Variants in WDR86 observed in about 807,000 individuals in gnomAD.
WDR86 encodes WD repeat domain 86.
Under a neutral mutation model 36.5 loss-of-function variants are expected in WDR86, and 30 were observed. The observed-to-expected ratio is 0.82, with a 90% confidence interval of 0.61 to 1.11. The LOEUF is 1.11. WDR86 is among the 50% of genes most tolerant of loss of function. The pLI is 0.00. For synonymous variants in WDR86, 255 were observed against 252.9 expected (o/e 1.01, Z -0.08); for missense variants, 545 against 561.2 (o/e 0.97, Z 0.29).
chr7:151,408,782 C>G, intron 1 of WDR86: 1 of 418,304 alleles, frequency 2.4e-6, no homozygotes, highest in Admixed American at 2.5e-5. Context: ...TGAGTGAGTA[C>G]AGGGCACAAA....
chr7:151,385,209 G>A lies in WDR86; in HGVS notation c.741C>T (p.Leu247=), dbSNP rs752511253. 3.0e-5 allele frequency: 49 copies of A among 1,612,106 alleles called. No individual in the cohort carries two copies. Among genetic ancestry groups the A allele is most frequent in the Admixed American group, 6.7e-5 (4 of 60,012 alleles). ...TCCTGTCCGCGCTGCCAGAGTACACGAGTCGGTTCACCAGCTGCGAGGAGG... is the reference window on the plus strand; with the variant it reads ...TCCTGTCCGCGCTGCCAGAGTACACAAGTCGGTTCACCAGCTGCGAGGAGG... ...SVICLELVNR[L]VYSGSADRTV... The change falls in exon 4 of 6, where the codon CTC becomes CTT. Residue 247 remains leucine, a synonymous_variant. Transcript: ENST00000334493.
rs1354530616 is a variant in WDR86, at chr7:151,381,946, A to C, written c.898T>G (p.Phe300Val). The C allele has an allele frequency of 1.2e-6, 2 of 1,608,434 alleles. No homozygotes were observed. Among genetic ancestry groups the C allele is most frequent in the Non-Finnish European group, 1.7e-6 (2 of 1,178,054 alleles). ...CGCAGCTCTCCAGACTGCGCGTCGA[A>C]GGCCCGGGCGCAAGCGTCCCCGCTG... ...TGSGDACARA[F>V]DAQSGELRRV... The change falls in exon 5 of 6, where the codon TTC (phenylalanine) becomes GTC (valine). Residue 300 changes from phenylalanine (F) to valine (V), a missense_variant. By Grantham distance (50) the Phe-to-Val change is conservative (BLOSUM62 -1). Coordinates refer to ENST00000334493, the MANE Select transcript of WDR86 (RefSeq NM_198285.3). This position sits in a 1 kb window ranked among gnomAD's most constrained non-coding sequence, Gnocchi z 4.8.
At position 151,390,601 on chromosome 7, in the gene WDR86, C is replaced by T. The variant is rs1406303305; in HGVS notation, c.726+5175G>A. On this transcript the variant is annotated intron_variant, in intron 3 of 5. Coordinates refer to ENST00000334493, the MANE Select transcript of WDR86 (RefSeq NM_198285.3). The surrounding 1 kb of genome is among the most constrained non-coding windows in gnomAD (Gnocchi z 4.5). ...CTGAAGGCAGGATGCACCCAGATCC[C>T]GTCCACCCGTTCACAACAGCTGAAA... is the stretch of plus-strand genomic sequence containing the variant. Among the ~76,000 whole-genome samples, 3 of 152,228 alleles carry T rather than the reference C, an allele frequency of 2.0e-5. No homozygotes were observed. Among genetic ancestry groups the T allele is most frequent in the African/African-American group, 4.8e-5 (2 of 41,468 alleles).
chr7:151,377,341 A>C, downstream of WDR86: 7 of 397,830 alleles, frequency 1.8e-5, no homozygotes, highest in Non-Finnish European at 2.2e-5. Context: ...CTTTGGGTGT[A>C]GGAGGGGGTG....
At position 151,409,230 on chromosome 7, in the gene WDR86, A is replaced by T; in HGVS notation, c.163+197T>A. 1 of 765,386 alleles carries T rather than the reference A, an allele frequency of 1.3e-6. No homozygotes were observed. The highest frequency in any genetic ancestry group is 2.0e-6 in the Non-Finnish European group (1 of 499,864). The allele number at this position is 765,386 out of a possible 1,614,324, so 47.4% of individuals were successfully genotyped here. A position where few individuals can be genotyped will look rare whatever the true frequency, so the allele number is the denominator to read the frequency against. On this transcript the variant is annotated intron_variant, in intron 1 of 5. Transcript: ENST00000334493. The surrounding 1 kb of genome is among the most constrained non-coding windows in gnomAD (Gnocchi z 5.2). ...GCACCCTGCTCTGCACCCGCACCCC[A>T]CCCCCAGACCTCACCCTGCCCTGCC...
rs1001136301 is a variant in WDR86, at chr7:151,406,551, T to G, written c.163+2876A>C. Among the ~76,000 whole-genome samples, 1 of 152,160 alleles carries G rather than the reference T, an allele frequency of 6.6e-6. No individual in the cohort carries two copies. Among genetic ancestry groups the G allele is most frequent in the Non-Finnish European group, 1.5e-5 (1 of 68,026 alleles). ...TTTAGAGTTAGGATGCTTCTAGGGATGGGGCCACCACAGACCAGCCATGTG... is the reference window on the plus strand; with the variant it reads ...TTTAGAGTTAGGATGCTTCTAGGGAGGGGGCCACCACAGACCAGCCATGTG... On this transcript the variant is annotated intron_variant, in intron 1 of 5. Transcript: ENST00000334493. The surrounding 1 kb of genome is among the most constrained non-coding windows in gnomAD (Gnocchi z 4.4).
intron 3 of WDR86, among the ~76,000 whole-genome samples, chr7:151,387,933 C>T (rs749077636): frequency 3.3e-5 from 5 of 152,240 alleles, no homozygotes; most frequent in African/African-American, 4.8e-5. Flanking sequence ...TCATGTGCAA[C>T]GTGAGAAACA....
chr7:151,387,430 C>T (rs1366897033), intron 3 of WDR86, among the ~76,000 whole-genome samples: 1 of 152,198 alleles, frequency 6.6e-6, no homozygotes, highest in Non-Finnish European at 1.5e-5. Flanking sequence ...CTCCCAGCCC[C>T]AGGGTCCTCA....
Position 151,381,254 on chromosome 7 carries a change from G to GGCTGGGGGA in WDR86, c.*319_*327dup. 49 of 1,307,788 alleles carry GGCTGGGGGA rather than the reference G, an allele frequency of 3.7e-5. No individual in the cohort carries two copies. The highest frequency in any genetic ancestry group is 4.7e-5 in the Non-Finnish European group (49 of 1,033,030). 81.0% of individuals were successfully genotyped at this position (1,307,788 alleles called of 1,614,324 possible). On this transcript the variant is annotated 3_prime_UTR_variant, in exon 6 of 6. Coordinates refer to ENST00000334493, the MANE Select transcript of WDR86 (RefSeq NM_198285.3). This position sits in a 1 kb window ranked among gnomAD's most constrained non-coding sequence, Gnocchi z 4.8. ...CAGCAGGAAAGGCCCAGTTTCGTGG[G>GGCTGGGGGA]GCTGGGGGAGCTGGGGCAGTCCGCC...
intron 3 of WDR86, among the ~76,000 whole-genome samples, chr7:151,386,767 C>G (rs1585003680): frequency 1.3e-5 from 2 of 152,272 alleles, no homozygotes; most frequent in Admixed American, 6.5e-5. Context: ...ACCCCTCCTG[C>G]CTCAGGCTCG....
rs1799365028 is a variant in WDR86, at chr7:151,390,693, G to A, written c.726+5083C>T. ...GCGCAATGTGGTATCCACATACCAGGGAATATTTATCAGTCACGGAAAAAG... is the reference window on the plus strand; with the variant it reads ...GCGCAATGTGGTATCCACATACCAGAGAATATTTATCAGTCACGGAAAAAG... On this transcript the variant is annotated intron_variant, in intron 3 of 5. Transcript: ENST00000334493. This position sits in a 1 kb window ranked among gnomAD's most constrained non-coding sequence, Gnocchi z 4.5. Among the ~76,000 whole-genome samples, 2 of 152,166 alleles carry A rather than the reference G, an allele frequency of 1.3e-5. No individual in the cohort carries two copies. Among genetic ancestry groups the A allele is most frequent in the African/African-American group, 4.8e-5 (2 of 41,422 alleles).
At chr7:151,397,893 G>A (rs561960043) in intron 2 of WDR86, among the ~76,000 whole-genome samples, 68 of 151,602 alleles carry the variant, frequency 4.5e-4, no homozygotes, top group Non-Finnish European at 8.1e-4. Context: ...GGGGGTGGCT[G>A]AGTCCTGCCT....
intron 3 of WDR86, among the ~76,000 whole-genome samples, chr7:151,387,622 C>G (rs369945683): frequency 1.3e-5 from 2 of 152,106 alleles, no homozygotes; most frequent in Admixed American, 6.5e-5. Context: ...AGGAGAGGCA[C>G]CGGCCCGGGG....
In WDR86 at chr7:151,402,589, C is replaced by A. The variant is rs145687213; in HGVS notation, c.164-2348G>T. Among the ~76,000 whole-genome samples the A allele has an allele frequency of 5.6e-3, 859 of 152,264 alleles. 11 individuals carry two copies. The highest frequency in any genetic ancestry group is 0.02 in the African/African-American group (815 of 41,534). On this transcript the variant is annotated intron_variant, in intron 1 of 5. Coordinates refer to ENST00000334493, the MANE Select transcript of WDR86 (RefSeq NM_198285.3). ...GACTCGGTGCCCGTAGGGAGAACAG[C>A]GGCTAGGAAAGCAGGCGTGCAGGGA...
downstream of WDR86, chr7:151,375,841 G>A: frequency 1.3e-6 from 2 of 1,591,296 alleles, no homozygotes; most frequent in South Asian, 1.1e-5. Flanking sequence ...GTTCCTGTGT[G>A]TTTTAGATTC....
chr7:151,393,666 A>G (rs1309343889), intron 3 of WDR86, among the ~76,000 whole-genome samples: 1 of 152,032 alleles, frequency 6.6e-6, no homozygotes, highest in Non-Finnish European at 1.5e-5. Context: ...TGCCCTGGCA[A>G]GCTCAGAGCA....
chr7:151,410,687 A>T (rs1194578542), upstream of WDR86: 1 of 152,392 alleles, frequency 6.6e-6, no homozygotes, highest in Non-Finnish European at 1.5e-5. Flanking sequence ...GCTGGTTTCC[A>T]TTAGGGCAGT....
At chr7:151,376,160 A>C, downstream of WDR86, 2 of 534,792 alleles carry the variant, frequency 3.7e-6, no homozygotes, top group Non-Finnish European at 6.8e-6. Context: ...AAGTGTCAGG[A>C]AGTTCTCTTT....
intron 4 of WDR86, among the ~76,000 whole-genome samples, chr7:151,383,184 G>GT (rs1388164953): frequency 6.7e-6 from 1 of 149,580 alleles, no homozygotes; most frequent in Non-Finnish European, 1.5e-5. Context: ...GGGGTGGGGG[G>GT]GGGGAGCTGG....
Sources: allele counts gnomAD v4.1 joint callset (sites outside exome capture counted in the v4.1 genomes callset), GRCh38; gene constraint gnomAD v4.1.1; non-coding constraint Gnocchi (gnomAD v3.1); transcripts MANE v1.5; gene names NCBI Gene and HGNC (gene_info 2026-07-23, HGNC 2026-07-21).